The following FYB1 variants were observed in gnomAD, a reference collection of about 807,000 sequenced individuals.
FYB1 encodes the protein FYN binding protein 1, also known as FYN-binding protein 1.
A neutral mutation model predicts 94.1 loss-of-function variants in FYB1; 41 were observed. The ratio of observed to expected loss-of-function variants is 0.44; its 90% CI spans 0.34 to 0.57. The LOEUF is 0.57. Ranked by LOEUF, FYB1 falls within the 20% of genes least tolerant of loss-of-function variation. FYB1 has a pLI of 0.02. For synonymous variants in FYB1, 367 were observed against 353.2 expected, an observed-to-expected ratio of 1.04 and a Z score of -0.44; for missense variants, 1,050 against 976.8, an observed-to-expected ratio of 1.07 and a Z score of -1.00.
intron 1 of FYB1, among the ~76,000 whole-genome samples, chr5:39,248,124 A>G (rs879805862): frequency 1.3e-5 from 2 of 152,194 alleles, no homozygotes. Flanking sequence ...TCAAAGAACT[A>G]TAAATAAAGA....
intron 1 of FYB1, among the ~76,000 whole-genome samples, chr5:39,228,802 A>C (rs1750594961): frequency 6.6e-6 from 1 of 152,166 alleles, no homozygotes; most frequent in African/African-American, 2.4e-5. Context: ...ATAAAGCAAG[A>C]TCTCTGACTT....
chr5:39,129,943 T>C (rs540913399), intron 10 of FYB1, among the ~76,000 whole-genome samples: 1 of 152,148 alleles, frequency 6.6e-6, no homozygotes, highest in African/African-American at 2.4e-5. Flanking sequence ...GTATATCAAA[T>C]GGATATTTGC....
At chr5:39,209,514 T>TG (rs1204919495) in intron 1 of FYB1, among the ~76,000 whole-genome samples, 5 of 152,036 alleles carry the variant, frequency 3.3e-5, no homozygotes, top group African/African-American at 1.2e-4. Context: ...TTAATAGAGA[T>TG]GGGGTCTCAC....
intron 2 of FYB1, among the ~76,000 whole-genome samples, chr5:39,166,570 A>G (rs1340251558): frequency 6.6e-6 from 1 of 152,370 alleles, no homozygotes; most frequent in Middle Eastern, 3.4e-3. Flanking sequence ...TGAAACTTAT[A>G]AAATGGATGA....
chr5:39,130,825 T>C (rs555837318), intron 9 of FYB1, among the ~76,000 whole-genome samples: 7 of 152,236 alleles, frequency 4.6e-5, no homozygotes, highest in Non-Finnish European at 8.8e-5. Context: ...CAACAAGAAT[T>C]AAGTTAATTA....
At chr5:39,143,382 C>G (rs1742353100) in intron 3 of FYB1, among the ~76,000 whole-genome samples, 1 of 150,024 alleles carries the variant, frequency 6.7e-6, no homozygotes, top group African/African-American at 2.5e-5. Flanking sequence ...CACCAGTTCC[C>G]CATACTAATT....
chr5:39,208,753 T>A (rs1298337399), intron 1 of FYB1: 1 of 151,804 alleles, frequency 6.6e-6, no homozygotes, highest in African/African-American at 2.4e-5. Context: ...TCTGTGGGGG[T>A]GATGCCTTTT....
intron 11 of FYB1, among the ~76,000 whole-genome samples, chr5:39,127,059 C>CAAAAAAAAAA (rs200980181): frequency 7.7e-5 from 6 of 77,482 alleles, no homozygotes; most frequent in East Asian, 2.8e-4. Context: ...ACTCAGGTCT[C>CAAAAAAAAAA]AAAAAAAAAA....
In FYB1 at chr5:39,169,931, T is replaced by C. The variant is rs1462915086; in HGVS notation, c.1136-16327A>G. The C allele has an allele frequency of 6.3e-6, 4 of 635,068 alleles. No homozygotes were observed. In the East Asian group the frequency reaches 1.2e-4, roughly 20 times the overall value. 39.3% of individuals were successfully genotyped at this position (635,068 alleles called of 1,614,324 possible). On this transcript the variant is annotated intron_variant, in intron 2 of 18. Transcript: ENST00000512982. ...ATTTCCACCCTCCCAGTAGGCTCCTTCTGTGAACTATTAAGGAAATTAAAG... is the reference window on the plus strand; with the variant it reads ...ATTTCCACCCTCCCAGTAGGCTCCTCCTGTGAACTATTAAGGAAATTAAAG...
At chr5:39,237,320 T>C (rs889581159) in intron 1 of FYB1, among the ~76,000 whole-genome samples, 3 of 152,068 alleles carry the variant, frequency 2.0e-5, no homozygotes, top group Non-Finnish European at 4.4e-5. Context: ...ATTAGGTGCA[T>C]ACATGGAAGT....
At chr5:39,270,684 G>T in intron 1 of FYB1, 1 of 1,051,210 alleles carries the variant, frequency 9.5e-7, no homozygotes, top group Non-Finnish European at 1.4e-6. Context: ...TCTGAGCTGT[G>T]TGGTCTGTCC....
chr5:39,134,929 CCTT>C lies in FYB1; in HGVS notation c.1598_1600del (p.Gln533_Gly534delinsArg). The stretch of plus-strand genomic sequence containing the variant: ...GATGCGGATGATTTCAATTTGCTCT[CCTT>C]GCTTGAAGCTCAGTTCATTCTTTCC... On this transcript the variant is annotated inframe_deletion, in exon 8 of 19. Coordinates refer to ENST00000512982, the MANE Select transcript of FYB1 (RefSeq NM_001465.6). 1 of 1,613,944 alleles carries C rather than the reference CCTT, an allele frequency of 6.2e-7. No individual in the cohort carries two copies. Among genetic ancestry groups the C allele is most frequent in the Non-Finnish European group, 8.5e-7 (1 of 1,179,858 alleles).
rs148043315 is a variant in FYB1 at position 39,203,654 on chromosome 5, G to A, written c.-27-667C>T. Among the ~76,000 whole-genome samples the A allele has an allele frequency of 1.4e-4, 21 of 152,254 alleles. No homozygotes were observed. The East Asian group carries it at 3.5e-3, about 25-fold the overall frequency. On this transcript the variant is annotated intron_variant, in intron 1 of 18. Coordinates refer to ENST00000512982, the MANE Select transcript of FYB1 (RefSeq NM_001465.6). ...TTCACCTGTATCCATACTAGCAGGC[G>A]ATTGTACTCACTTTCAGAATTGTTC...
chr5:39,213,979 TAAC>T (rs995342515), intron 1 of FYB1, among the ~76,000 whole-genome samples: 4 of 152,024 alleles, frequency 2.6e-5, no homozygotes, highest in African/African-American at 9.7e-5. Context: ...CATTTATATA[TAAC>T]AACTTCGTCT....
At chr5:39,117,781 T>A (rs889197777) in intron 16 of FYB1, among the ~76,000 whole-genome samples, 7 of 152,188 alleles carry the variant, frequency 4.6e-5, no homozygotes, top group African/African-American at 1.7e-4. Flanking sequence ...GGCTATCCAG[T>A]TTCAAATATA....
chr5:39,231,164 A>C (rs77691877), intron 1 of FYB1, among the ~76,000 whole-genome samples: 5 of 28,028 alleles, frequency 1.8e-4, no homozygotes, highest in South Asian at 2.2e-3. Flanking sequence ...AAAAAAAACA[A>C]AAAAAAACAA....
chr5:39,180,869 A>AT (rs1746158224), intron 2 of FYB1, among the ~76,000 whole-genome samples: 1 of 152,160 alleles, frequency 6.6e-6, no homozygotes. Context: ...ACCACCGTAC[A>AT]TTTTTTATTT....
intron 2 of FYB1, chr5:39,170,223 T>G: frequency 1.1e-6 from 1 of 891,532 alleles, no homozygotes; most frequent in East Asian, 2.4e-5. Context: ...TTTTGCTATA[T>G]ATGATGTTGC....
intron 1 of FYB1, among the ~76,000 whole-genome samples, chr5:39,228,739 T>C (rs1579739785): frequency 6.6e-6 from 1 of 152,192 alleles, no homozygotes; most frequent in Non-Finnish European, 1.5e-5. Flanking sequence ...AAGTAGAAGA[T>C]ACTTCTTATA....
Sources: gnomAD v4.1 joint callset for allele counts (sites outside exome capture counted in the v4.1 genomes callset) on GRCh38, gnomAD v4.1.1 for gene constraint, MANE v1.5 for transcripts, NCBI Gene and HGNC (gene_info 2026-07-23, HGNC 2026-07-21) for gene names.